The following PDE11A variants were observed in gnomAD, a reference collection of about 807,000 sequenced individuals.
PDE11A encodes phosphodiesterase 11A.
PDE11A carries 100 observed loss-of-function variants against 100.5 expected under a neutral mutation model. The observed-to-expected ratio is 1.00, with a 90% CI of 0.85 to 1.18. The LOEUF (loss-of-function observed/expected upper bound fraction) is 1.18. PDE11A is among the 50% of genes most tolerant of loss of function. The pLI is 0.00. For missense variants in PDE11A, 1,141 were observed against 1,152.6 expected (o/e 0.99, Z 0.15); for synonymous variants, 381 against 420.8 (o/e 0.91, Z 1.16).
At chr2:177,749,084 A>G (rs549098240) in intron 10 of PDE11A, among the ~76,000 whole-genome samples, 25 of 152,360 alleles carry the variant, frequency 1.6e-4, no homozygotes, top group African/African-American at 5.3e-4. Flanking sequence ...TAAGCCAAAT[A>G]CAGTGTGTGC....
chr2:177,751,128 G>GAAAAAAA (rs5836625), intron 10 of PDE11A, among the ~76,000 whole-genome samples: 1 of 144,298 alleles, frequency 6.9e-6, no homozygotes, highest in Non-Finnish European at 1.5e-5. Context: ...TAGTGAGTAA[G>GAAAAAAA]AAAAAAAAAA....
chr2:177,769,585 T>C (rs1229271065), intron 9 of PDE11A, among the ~76,000 whole-genome samples: 1 of 152,094 alleles, frequency 6.6e-6, no homozygotes, highest in African/African-American at 2.4e-5. Context: ...CTATGGGTAG[T>C]TATGTCATCA....
chr2:178,063,461 C>T lies in PDE11A; in HGVS notation c.912+8065G>A, dbSNP rs192981925. Among the ~76,000 whole-genome samples the T allele has an allele frequency of 1.2e-4, 19 of 152,204 alleles. No homozygotes were observed. The Middle Eastern group carries it at 0.01, about 82-fold the overall frequency. On this transcript the variant is annotated intron_variant, in intron 1 of 19. Transcript: ENST00000286063. ...GGAGGCATGGCACACTGTGCAGGGC[C>T]GCATAGGGAAAGGCCAGGGTCAGTC...
rs181568373 is a variant in PDE11A, at chr2:177,904,099, C to T, written c.1161+999G>A. On this transcript the variant is annotated intron_variant, in intron 3 of 19. Coordinates refer to ENST00000286063, the MANE Select transcript of PDE11A (RefSeq NM_016953.4). ...TAGGGTTTCAAACCTTTTTGAACATCGTTTTGTTAAATATATTTCTAAGTT... is the reference window on the plus strand; with the variant it reads ...TAGGGTTTCAAACCTTTTTGAACATTGTTTTGTTAAATATATTTCTAAGTT... Among the ~76,000 whole-genome samples the T allele has an allele frequency of 4.5e-3, 679 of 152,168 alleles. 3 individuals are homozygous for T. The highest frequency in any genetic ancestry group is 0.01 in the Middle Eastern group (3 of 292).
At chr2:177,641,381 T>C (rs1392503562) in intron 19 of PDE11A, among the ~76,000 whole-genome samples, 1 of 147,052 alleles carries the variant, frequency 6.8e-6, no homozygotes, top group African/African-American at 2.5e-5. Context: ...TTTCTAGAAA[T>C]CCTGAAGTAC....
chr2:178,053,403 T>C (rs2086854500), intron 1 of PDE11A, among the ~76,000 whole-genome samples: 1 of 152,282 alleles, frequency 6.6e-6, no homozygotes, highest in Admixed American at 6.5e-5. Context: ...CCACAGCCAA[T>C]ATCATACTGA....
At chr2:177,730,430 T>C (rs1477059588) in intron 10 of PDE11A, among the ~76,000 whole-genome samples, 1 of 152,206 alleles carries the variant, frequency 6.6e-6, no homozygotes, top group Non-Finnish European at 1.5e-5. Flanking sequence ...TTTGTTTTTC[T>C]GAAATTCCCT....
intron 9 of PDE11A, among the ~76,000 whole-genome samples, chr2:177,778,294 G>C (rs2082405887): frequency 6.6e-6 from 1 of 152,204 alleles, no homozygotes; most frequent in Non-Finnish European, 1.5e-5. Flanking sequence ...CTGGAAGACA[G>C]ACCTCTTGCA....
intron 6 of PDE11A, among the ~76,000 whole-genome samples, chr2:177,831,816 T>A (rs1478417497): frequency 6.6e-6 from 1 of 152,240 alleles, no homozygotes; most frequent in East Asian, 1.9e-4. Flanking sequence ...GTTTATCTAT[T>A]ACTTTAACTG....
In PDE11A at chr2:178,039,238, T is replaced by C. The variant is rs72489058; in HGVS notation, c.913-24778A>G. 3.0e-3 allele frequency among the ~76,000 whole-genome samples: 454 copies of C among 152,296 alleles called. 22 individuals are homozygous for C. In the East Asian group the frequency reaches 0.081, roughly 27 times the overall value. ...TCATGTCTTTTTGCTGGAACATGGA[T>C]AGAGCTGGAAGCTATTATTATTAGC... is the stretch of plus-strand genomic sequence containing the variant. On this transcript the variant is annotated intron_variant, in intron 1 of 19. Coordinates refer to ENST00000286063, the MANE Select transcript of PDE11A (RefSeq NM_016953.4).
At chr2:177,994,660 T>C (rs2105812744) in intron 2 of PDE11A, among the ~76,000 whole-genome samples, 1 of 152,338 alleles carries the variant, frequency 6.6e-6, no homozygotes, top group East Asian at 1.9e-4. Flanking sequence ...GACCCAATGA[T>C]CTGTGCATAA....
intron 10 of PDE11A, among the ~76,000 whole-genome samples, chr2:177,730,433 A>G (rs140246990): frequency 1.2e-4 from 19 of 152,050 alleles, no homozygotes; most frequent in African/African-American, 4.6e-4. Context: ...GTTTTTCTGA[A>G]ATTCCCTTAA....
At chr2:177,728,203 A>G in intron 10 of PDE11A, 31 bp from the exon 11 acceptor site, 1 of 1,609,282 alleles carries the variant, frequency 6.2e-7, no homozygotes, top group Admixed American at 1.7e-5. Context: ...AGTCAAGCCA[A>G]GTTCACCAGC....
intron 2 of PDE11A, among the ~76,000 whole-genome samples, chr2:177,994,032 G>T (rs2086038730): frequency 6.6e-6 from 1 of 150,866 alleles, no homozygotes; most frequent in African/African-American, 2.4e-5. Flanking sequence ...CCCTCCCCGA[G>T]CGATTCTGCT....
Position 178,026,537 on chromosome 2 carries a change from T to C in PDE11A, c.913-12077A>G, listed in dbSNP as rs112754170. On this transcript the variant is annotated intron_variant, in intron 1 of 19. Transcript: ENST00000286063. ...TTAGCTGGGCGTGATGGTAGGAACC[T>C]GTAATTCCAGCTACTCAGGAGGCTG... Among the ~76,000 whole-genome samples, 637 of 152,002 alleles carry C rather than the reference T, an allele frequency of 4.2e-3. 4 individuals are homozygous for C. The highest frequency in any genetic ancestry group is 0.015 in the African/African-American group (607 of 41,462).
rs1365950504 is a variant in PDE11A at position 178,072,010 on chromosome 2, G to A, written c.428C>T (p.Ser143Phe). The stretch of plus-strand genomic sequence containing the variant: ...ACTACTCAGGGGTTCCTGAGCCCGG[G>A]AGGTCACCTGTTCATCGTAGGTCCT... Reference protein sequence around the residue: ...VNRTYDEQVTSRAQEPLSSVR... With the variant: ...VNRTYDEQVTFRAQEPLSSVR... The change falls in exon 1 of 20, where the codon TCC becomes TTC. Residue 143 changes from serine (S) to phenylalanine (F), a missense_variant. Ser to Phe is a radical substitution (Grantham distance 155). Coordinates refer to ENST00000286063, the MANE Select transcript of PDE11A (RefSeq NM_016953.4). 3.1e-6 allele frequency: 5 copies of A among 1,613,978 alleles called. No individual in the cohort carries two copies. In the African/African-American group the frequency reaches 6.7e-5, roughly 22 times the overall value.
At chr2:177,728,435 C>T (rs971886154) in intron 10 of PDE11A, among the ~76,000 whole-genome samples, 3 of 152,066 alleles carry the variant, frequency 2.0e-5, no homozygotes, top group African/African-American at 4.8e-5. Flanking sequence ...ATCTAGCCTG[C>T]AGAATTTATA....
intron 2 of PDE11A, among the ~76,000 whole-genome samples, chr2:178,086,243 AG>A (rs1229533899): frequency 6.6e-6 from 1 of 152,158 alleles, no homozygotes; most frequent in Non-Finnish European, 1.5e-5. Flanking sequence ...CAAAAGTGTA[AG>A]CTTCCAGGTC....
chr2:178,025,429 G>A (rs1527293), intron 1 of PDE11A, among the ~76,000 whole-genome samples: 76,591 of 151,938 alleles, frequency 0.5, 20,080 homozygotes, highest in East Asian at 0.71. Context: ...TTTTAGTCAC[G>A]TTGCTAAAGT....
Sources: gnomAD v4.1 joint callset for allele counts (sites outside exome capture counted in the v4.1 genomes callset) on GRCh38, gnomAD v4.1.1 for gene constraint, MANE v1.5 for transcripts, NCBI Gene and HGNC (gene_info 2026-07-23, HGNC 2026-07-21) for gene names.